SLC7A2: variants seen among roughly 807,000 people sequenced by gnomAD.
SLC7A2 encodes solute carrier family 7 member 2.
In SLC7A2, 48 loss-of-function variants were observed where a neutral mutation model predicts 58.9. The observed-to-expected ratio is 0.82, with a 90% CI of 0.65 to 1.04. The LOEUF is 1.04. Ranked by LOEUF, SLC7A2 falls within the 50% of genes least tolerant of loss-of-function variation. The pLI is 0.00. For missense variants in SLC7A2, 1,029 were observed against 818.8 expected (o/e 1.26, Z -3.13); for synonymous variants, 363 against 314.5 (o/e 1.15, Z -1.63).
rs1802910513 is a variant in SLC7A2, at chr8:17,560,376, A to G, written c.1347A>G (p.Lys449=). 1 of 1,614,074 alleles carries G rather than the reference A, an allele frequency of 6.2e-7. No homozygotes were observed. The highest frequency in any genetic ancestry group is 1.1e-5 in the South Asian group (1 of 91,090). The change falls in exon 10 of 13, where the codon AAA becomes AAG. Residue 449 remains lysine, a synonymous_variant. Coordinates refer to ENST00000494857, the MANE Select transcript of SLC7A2 (RefSeq NM_001370338.1). ...ACCAGCCCAAATGTTCTCCTGAGAA[A>G]GATGGTCTGGGATCGTCTCCCAGGG... is the stretch of plus-strand genomic sequence containing the variant. ...SYDQPKCSPE[K]DGLGSSPRVT...
At chr8:17,544,655 C>G (rs965799637) in intron 4 of SLC7A2, 49 bp downstream of exon 4, 36 of 1,553,464 alleles carry the variant, frequency 2.3e-5, no homozygotes, top group Non-Finnish European at 2.9e-5. Flanking sequence ...CACTATTTGT[C>G]TCAGGAAAAT....
chr8:17,496,142 A>G (rs180714804), upstream of SLC7A2, among the ~76,000 whole-genome samples: 18 of 152,316 alleles, frequency 1.2e-4, 1 homozygote, highest in East Asian at 3.5e-3. Flanking sequence ...CAAAAATAGT[A>G]ATAGGCCGGG....
chr8:17,523,226 C>G (rs1466580629), intron 2 of SLC7A2, among the ~76,000 whole-genome samples: 1 of 151,938 alleles, frequency 6.6e-6, no homozygotes, highest in Non-Finnish European at 1.5e-5. Context: ...CAGTGCAACT[C>G]CCATCAAAAT....
At chr8:17,527,799 C>T (rs957019639) in intron 2 of SLC7A2, among the ~76,000 whole-genome samples, 1 of 152,188 alleles carries the variant, frequency 6.6e-6, no homozygotes, top group Admixed American at 6.5e-5. Flanking sequence ...TGCAAAGACC[C>T]TGTTTCCCAG....
rs768654504 is a variant in SLC7A2, at chr8:17,538,864, A to G, written c.-22-4454A>G. The G allele has an allele frequency of 6.2e-7, 1 of 1,612,966 alleles. No individual in the cohort carries two copies. The highest frequency in any genetic ancestry group is 8.5e-7 in the Non-Finnish European group (1 of 1,178,922). Reference sequence around the variant, plus strand: ...AAGTGGTTATAACTCAGACAAACTAATTTGTCGAGGGTTTATTGGAACACC... The same window carrying G: ...AAGTGGTTATAACTCAGACAAACTAGTTTGTCGAGGGTTTATTGGAACACC... On this transcript the variant is annotated intron_variant, in intron 2 of 12. Coordinates refer to ENST00000494857, the MANE Select transcript of SLC7A2 (RefSeq NM_001370338.1).
At chr8:17,503,126 CT>C (rs911115938) in intron 2 of SLC7A2, among the ~76,000 whole-genome samples, 1 of 152,050 alleles carries the variant, frequency 6.6e-6, no homozygotes, top group Admixed American at 6.6e-5. Flanking sequence ...TCTCGGCTCG[CT>C]GCAAGCTCCG....
intron 11 of SLC7A2, among the ~76,000 whole-genome samples, chr8:17,562,583 C>T (rs946297439): frequency 1.3e-5 from 2 of 152,100 alleles, no homozygotes; most frequent in African/African-American, 4.8e-5. Flanking sequence ...AGGTGATCCA[C>T]CTGCCTCAAC....
rs1803435444 is a variant in SLC7A2, at chr8:17,569,906, A to G, written c.*4760A>G. On this transcript the variant is annotated 3_prime_UTR_variant, in exon 13 of 13. Coordinates refer to ENST00000494857, the MANE Select transcript of SLC7A2 (RefSeq NM_001370338.1). ...ATCAGGCAGCCTATAGAGTGTGAGC[A>G]TCTATGTGTAGCTACCCTTGTTGGG... is the stretch of plus-strand genomic sequence containing the variant. The G allele has an allele frequency of 6.6e-6, 1 of 152,164 alleles. No homozygotes were observed. The highest frequency in any genetic ancestry group is 2.1e-4 in the South Asian group (1 of 4,826). 9.4% of individuals were successfully genotyped at this position (152,164 alleles called of 1,614,324 possible).
Position 17,558,397 on chromosome 8 carries a change from G to C in SLC7A2, c.1298G>C (p.Arg433Thr). The change falls in exon 9 of 13, where the codon AGG becomes ACG. Residue 433 changes from arginine to threonine, a missense_variant and splice_region_variant. By Grantham distance (71) the Arg-to-Thr change is moderately conservative. Coordinates refer to ENST00000494857, the MANE Select transcript of SLC7A2 (RefSeq NM_001370338.1). The stretch of plus-strand genomic sequence containing the variant: ...GTGGCAGCCTGTGTTCTCATCCTCA[G>C]GTGAGTCACCTGGTGGTTCTACAGG... Reference protein sequence around the residue: ...SLVAACVLILRYQPGLSYDQP... With the variant: ...SLVAACVLILTYQPGLSYDQP... 6.2e-7 allele frequency: 1 copy of C among 1,602,870 alleles called. No individual in the cohort carries two copies. Among genetic ancestry groups the C allele is most frequent in the Non-Finnish European group, 8.5e-7 (1 of 1,170,624 alleles).
chr8:17,521,536 A>T (rs748599742), intron 2 of SLC7A2, among the ~76,000 whole-genome samples: 1 of 152,204 alleles, frequency 6.6e-6, no homozygotes, highest in South Asian at 2.1e-4. Flanking sequence ...CCATCCATCA[A>T]GTGCTTCTGG....
At chr8:17,543,744 G>T in intron 3 of SLC7A2, 29 bp downstream of exon 3, 1 of 1,509,440 alleles carries the variant, frequency 6.6e-7, no homozygotes, top group Non-Finnish European at 8.9e-7. Context: ...TCTAACTTGT[G>T]TGGAATGGAA....
At chr8:17,530,482 G>A (rs578206004) in intron 2 of SLC7A2, among the ~76,000 whole-genome samples, 3 of 152,290 alleles carry the variant, frequency 2.0e-5, no homozygotes, top group Admixed American at 1.3e-4. Flanking sequence ...GCCAGGCTGG[G>A]GCCAGGTCAC....
intron 4 of SLC7A2, among the ~76,000 whole-genome samples, chr8:17,547,865 A>AT (rs1802252558): frequency 6.6e-6 from 1 of 150,702 alleles, no homozygotes; most frequent in South Asian, 2.1e-4. Flanking sequence ...ATCTTTTTAT[A>AT]TTTTTTTCTG....
intron 2 of SLC7A2, among the ~76,000 whole-genome samples, chr8:17,518,643 GACAA>G (rs55923698): frequency 1.7e-3 from 260 of 151,954 alleles, no homozygotes; most frequent in Non-Finnish European, 2.8e-3. Context: ...ATTAGCAAAA[GACAA>G]ACAAAGAAGC....
chr8:17,532,476 C>T (rs1801501095), intron 2 of SLC7A2, among the ~76,000 whole-genome samples: 1 of 151,952 alleles, frequency 6.6e-6, no homozygotes, highest in Admixed American at 6.6e-5. Context: ...TATCCCCTTG[C>T]CTCCTGGAAT....
chr8:17,551,697 A>G, intron 6 of SLC7A2, 67 bp from the exon 7 acceptor site: 1 of 1,185,804 alleles, frequency 8.4e-7, no homozygotes, highest in Admixed American at 1.7e-5. Context: ...AGAATTTCAC[A>G]CAATTTAATT....
rs200130071 is a variant in SLC7A2, at chr8:17,562,180, A to ATTTTTTTTTT, written c.1671+96_1671+105dup. 79 of 594,316 alleles carry ATTTTTTTTTT rather than the reference A, an allele frequency of 1.3e-4. 1 individual carries two copies. Among genetic ancestry groups the ATTTTTTTTTT allele is most frequent in the African/African-American group, 1.3e-3 (35 of 27,098 alleles). The allele number at this position is 594,316 out of a possible 1,614,324, so 36.8% of individuals were successfully genotyped here. A position where few individuals can be genotyped will look rare whatever the true frequency, so the allele number is the denominator to read the frequency against. On this transcript the variant is annotated intron_variant, in intron 11 of 12. Coordinates refer to ENST00000494857, the MANE Select transcript of SLC7A2 (RefSeq NM_001370338.1). Reference sequence around the variant, plus strand: ...TCTCTGTATAATTAGTTTGGTAAGTATTTTTTTTTTTTTTTTTTTTTTTTT... The same window carrying ATTTTTTTTTT: ...TCTCTGTATAATTAGTTTGGTAAGTATTTTTTTTTTTTTTTTTTTTTTTTTTTTTTTTTTT...
chr8:17,521,913 G>A (rs1801029811), intron 2 of SLC7A2, among the ~76,000 whole-genome samples: 1 of 152,206 alleles, frequency 6.6e-6, no homozygotes, highest in Non-Finnish European at 1.5e-5. Flanking sequence ...CCAGTGGCCA[G>A]TGCTTAAAGA....
At chr8:17,500,760 G>A (rs1473643206) in intron 1 of SLC7A2, among the ~76,000 whole-genome samples, 1 of 151,704 alleles carries the variant, frequency 6.6e-6, no homozygotes, top group Non-Finnish European at 1.5e-5. Flanking sequence ...CTGCACTCCA[G>A]CCTGGGTGAC....
Sources: gnomAD v4.1 joint callset for allele counts (sites outside exome capture counted in the v4.1 genomes callset) on GRCh38, gnomAD v4.1.1 for gene constraint, MANE v1.5 for transcripts, NCBI Gene and HGNC (gene_info 2026-07-23, HGNC 2026-07-21) for gene names.